Variants in NBEA observed in about 807,000 individuals in gnomAD.
NBEA encodes the protein neurobeachin, also known as lysosomal-trafficking regulator 2.
In NBEA, 44 loss-of-function variants were observed where a neutral mutation model predicts 343.4. The ratio of observed to expected loss-of-function variants is 0.13; its 90% CI spans 0.10 to 0.16. The LOEUF (loss-of-function observed/expected upper bound fraction) is 0.16, where lower values mean the gene tolerates loss of function less well. NBEA is among the 10% of genes least tolerant of loss of function. NBEA has a pLI of 1.00. For synonymous variants in NBEA, 1,175 were observed against 1,238.7 expected (o/e 0.95, Z 1.08); for missense variants, 2,555 against 3,631.3 (o/e 0.70, Z 7.62).
intron 40 of NBEA, among the ~76,000 whole-genome samples, chr13:35,468,273 A>T (rs2075484069): frequency 6.6e-6 from 1 of 152,186 alleles, no homozygotes; most frequent in African/African-American, 2.4e-5. Flanking sequence ...CTTGTTGGAC[A>T]TAAACAACCT....
intron 36 of NBEA, among the ~76,000 whole-genome samples, chr13:35,322,461 A>G (rs1566616555): frequency 6.6e-6 from 1 of 152,066 alleles, no homozygotes; most frequent in Non-Finnish European, 1.5e-5. Context: ...CCCACTGCCT[A>G]GTCATCCCAA....
intron 51 of NBEA, among the ~76,000 whole-genome samples, chr13:35,647,228 T>G (rs2084279519): frequency 6.6e-6 from 1 of 152,208 alleles, no homozygotes; most frequent in South Asian, 2.1e-4. Flanking sequence ...TCTTTAGAAT[T>G]TTTTTTAAAA....
intron 48 of NBEA, among the ~76,000 whole-genome samples, chr13:35,616,105 T>C (rs1158534801): frequency 6.6e-6 from 1 of 152,180 alleles, no homozygotes; most frequent in Non-Finnish European, 1.5e-5. Flanking sequence ...TTTATTTGAA[T>C]GAGGAGTCTG....
intron 41 of NBEA, among the ~76,000 whole-genome samples, chr13:35,501,879 C>T (rs1281921963): frequency 6.6e-6 from 1 of 152,092 alleles, no homozygotes; most frequent in Non-Finnish European, 1.5e-5. Context: ...CAGATCCCCT[C>T]TCTGATTTTT....
intron 38 of NBEA, among the ~76,000 whole-genome samples, chr13:35,411,645 G>GTGT (rs200390448): frequency 0.022 from 2,419 of 109,410 alleles, 83 homozygotes; most frequent in African/African-American, 0.063. Context: ...TTTGTTTTTT[G>GTGT]TTTTGTTGTT....
intron 34 of NBEA, among the ~76,000 whole-genome samples, chr13:35,258,669 G>A (rs1476050744): frequency 6.6e-6 from 1 of 152,118 alleles, no homozygotes; most frequent in Non-Finnish European, 1.5e-5. Flanking sequence ...GATAATGTTG[G>A]TGTTTATTTT....
chr13:35,290,394 G>T lies in NBEA; in HGVS notation c.5782G>T (p.Val1928Phe). The T allele has an allele frequency of 1.2e-6, 2 of 1,603,768 alleles. No individual in the cohort carries two copies. Among genetic ancestry groups the T allele is most frequent in the Non-Finnish European group, 1.7e-6 (2 of 1,172,774 alleles). Residue 1928 changes from valine to phenylalanine, a missense_variant, in exon 35 of 59, where the codon GTT (valine) becomes TTT (phenylalanine). Val to Phe is a conservative substitution (Grantham distance 50, BLOSUM62 -1). This residue lies in a region of NBEA where 84 missense variants were observed against 196.4 expected (regional missense o/e 0.43). Coordinates refer to ENST00000379939, the MANE Select transcript of NBEA (RefSeq NM_001385012.1). ...TTAACCTTTCTTTGTTGTAGGCCTT[G>T]TTTGTATGAAGTCCAGCACATCTGT... ...HGQELLIEGL[V>F]CMKSSTSVVE...
At chr13:35,303,546 G>A (rs1244726218) in intron 35 of NBEA, among the ~76,000 whole-genome samples, 3 of 152,112 alleles carry the variant, frequency 2.0e-5, no homozygotes, top group Non-Finnish European at 4.4e-5. Context: ...ACTAAAGTCT[G>A]GGTGCCTTCA....
intron 1 of NBEA, among the ~76,000 whole-genome samples, chr13:34,961,134 A>C (rs2059647882): frequency 6.6e-6 from 1 of 152,058 alleles, no homozygotes; most frequent in South Asian, 2.1e-4. Context: ...ACCTTAATTT[A>C]TTATCTGTGT....
At chr13:35,143,291 T>C (rs1593491367) in intron 18 of NBEA, among the ~76,000 whole-genome samples, 1 of 152,242 alleles carries the variant, frequency 6.6e-6, no homozygotes, top group Non-Finnish European at 1.5e-5. Flanking sequence ...TATGCTCTCC[T>C]CACCTTGCAC....
chr13:35,348,481 G>A (rs960514521), intron 36 of NBEA, among the ~76,000 whole-genome samples: 3 of 151,994 alleles, frequency 2.0e-5, no homozygotes, highest in Non-Finnish European at 2.9e-5. Context: ...AAAATAATTC[G>A]AATCTCCTAA....
At chr13:34,978,424 G>A (rs909805781) in intron 1 of NBEA, among the ~76,000 whole-genome samples, 10 of 152,050 alleles carry the variant, frequency 6.6e-5, no homozygotes, top group African/African-American at 2.2e-4. Context: ...TTCTGGATCC[G>A]TTTAAACCAG....
chr13:35,605,880 G>A (rs1457399611), intron 47 of NBEA, among the ~76,000 whole-genome samples: 1 of 151,856 alleles, frequency 6.6e-6, no homozygotes, highest in Non-Finnish European at 1.5e-5. Context: ...CTCTTTTATT[G>A]TGTTCAGTGA....
At chr13:35,107,287 T>G (rs1236727849) in intron 11 of NBEA, among the ~76,000 whole-genome samples, 1 of 151,844 alleles carries the variant, frequency 6.6e-6, no homozygotes, top group South Asian at 2.1e-4. Flanking sequence ...CCCCCCCCTT[T>G]ATTAACTCAG....
intron 38 of NBEA, among the ~76,000 whole-genome samples, chr13:35,401,042 G>A (rs974491492): frequency 6.6e-6 from 1 of 151,716 alleles, no homozygotes; most frequent in East Asian, 1.9e-4. Flanking sequence ...TGCCCTCAAA[G>A]CACTTTATTC....
intron 46 of NBEA, among the ~76,000 whole-genome samples, chr13:35,589,756 A>C (rs1348268903): frequency 2.0e-5 from 3 of 152,066 alleles, no homozygotes; most frequent in Admixed American, 1.3e-4. Context: ...TAGTGTCTTC[A>C]GAGGGGACTA....
At chr13:35,554,350 C>T (rs562098006) in intron 43 of NBEA, among the ~76,000 whole-genome samples, 11 of 152,156 alleles carry the variant, frequency 7.2e-5, no homozygotes, top group Non-Finnish European at 1.3e-4. Context: ...AATACAACTG[C>T]TTTTGTTATT....
chr13:35,450,320 A>T (rs536155038), intron 39 of NBEA, among the ~76,000 whole-genome samples: 2 of 152,066 alleles, frequency 1.3e-5, no homozygotes, highest in East Asian at 1.9e-4. Context: ...CAAAAAAAAA[A>T]AAATAACAAT....
chr13:35,596,110 G>A (rs2081789330), intron 47 of NBEA, among the ~76,000 whole-genome samples: 1 of 151,954 alleles, frequency 6.6e-6, no homozygotes, highest in Non-Finnish European at 1.5e-5. Context: ...GTGTGCATGT[G>A]TGTGTGTATG....
Sources: gnomAD v4.1 joint callset for allele counts (sites outside exome capture counted in the v4.1 genomes callset) on GRCh38, gnomAD v4.1.1 for gene constraint, gnomAD v4.1.1 regional missense constraint, MANE v1.5 for transcripts, NCBI Gene and HGNC (gene_info 2026-07-23, HGNC 2026-07-21) for gene names.